FGF13: variants seen among roughly 807,000 people sequenced by gnomAD.
The protein encoded by FGF13 is fibroblast growth factor homologous factor 2.
FGF13 carries 2 observed loss-of-function variants against 19.5 expected under a neutral mutation model. The ratio of observed to expected loss-of-function variants is 0.10; its 90% CI spans 0.04 to 0.32. The LOEUF (loss-of-function observed/expected upper bound fraction) is 0.32. Among genes scored for constraint, FGF13 ranks in the 10% least tolerant of loss-of-function variants. FGF13 has a pLI of 1.00. For missense variants in FGF13, 113 were observed against 192.7 expected, an observed-to-expected ratio of 0.59 and a Z score of 2.45; for synonymous variants, 72 against 76.9, an observed-to-expected ratio of 0.94 and a Z score of 0.33.
At chrX:138,814,245 AAAATTAAC>A (rs753719492) in intron 3 of FGF13, among the ~76,000 whole-genome samples, 1 of 110,302 alleles carries the variant, frequency 9.1e-6, no homozygotes, top group Non-Finnish European at 1.9e-5. Context: ...CTCACATGGA[AAAATTAAC>A]AATAGCCAGT....
intron 3 of FGF13, among the ~76,000 whole-genome samples, chrX:138,802,528 G>C (rs755727799): frequency 9.8e-5 from 11 of 111,774 alleles, no homozygotes; most frequent in African/African-American, 3.6e-4. Flanking sequence ...GACTGGAGCT[G>C]TTCCTATTTG....
chrX:138,852,445 G>A (rs1256957874), intron 3 of FGF13, among the ~76,000 whole-genome samples: 1 of 111,871 alleles, frequency 8.9e-6, no homozygotes, highest in Non-Finnish European at 1.9e-5. Context: ...ACAAAAACAA[G>A]GAGTTGGGAA....
intron 1 of FGF13, among the ~76,000 whole-genome samples, chrX:138,898,871 C>A (rs1427821602): frequency 9.0e-6 from 1 of 111,307 alleles, no homozygotes; most frequent in Non-Finnish European, 1.9e-5. Flanking sequence ...TTGTTGCCTC[C>A]CTTCTCTTCT....
chrX:138,752,192 G>A (rs772647122), intron 3 of FGF13, among the ~76,000 whole-genome samples: 2 of 111,470 alleles, frequency 1.8e-5, no homozygotes, highest in Non-Finnish European at 3.8e-5. Flanking sequence ...TTTGGGAGGC[G>A]GAGGCGGGCA....
Position 138,776,935 on chromosome X carries a change from G to A in FGF13, c.218-68007C>T, listed in dbSNP as rs2090592528. On this transcript the variant is annotated intron_variant, in intron 3 of 6. Coordinates refer to the FGF13 transcript ENST00000436198. ...TACAAATATGAACCCTGGGAATAAT[G>A]CAAGCAACAACTAGAGGAAAACTCT... Among the ~76,000 whole-genome samples the A allele has an allele frequency of 2.7e-5, 3 of 111,788 alleles. No individual in the cohort carries two copies. The Admixed American group carries it at 2.9e-4, about 11-fold the overall frequency.
At chrX:138,745,614 C>T (rs1434375866) in intron 3 of FGF13, among the ~76,000 whole-genome samples, 2 of 112,351 alleles carry the variant, frequency 1.8e-5, no homozygotes, top group Non-Finnish European at 3.8e-5. Context: ...AATCAAATTA[C>T]AATCCTTATT....
exon 3 of FGF13, chrX:138,857,571 T>A (rs1219074125): frequency 8.3e-7 from 1 of 1,208,161 alleles, no homozygotes; most frequent in Admixed American, 2.2e-5. Flanking sequence ...GAAGATTTCG[T>A]GACACTTAGC....
chrX:139,113,863 T>C (rs770627487), intron 1 of FGF13, among the ~76,000 whole-genome samples: 9 of 112,121 alleles, frequency 8.0e-5, no homozygotes, highest in Middle Eastern at 4.6e-3. Context: ...GAAACAAGGA[T>C]GACTAAGCGC....
At chrX:138,839,966 T>A (rs1026477691) in intron 3 of FGF13, among the ~76,000 whole-genome samples, 16 of 111,997 alleles carry the variant, frequency 1.4e-4, no homozygotes, top group Non-Finnish European at 3.0e-4. Context: ...AGCATTTCTA[T>A]CGAGATTATA....
intron 1 of FGF13, among the ~76,000 whole-genome samples, chrX:139,085,110 C>T (rs1327493580): frequency 8.9e-6 from 1 of 111,962 alleles, no homozygotes; most frequent in Non-Finnish European, 1.9e-5. Context: ...GGGGCACAGT[C>T]TACGAACACC....
intron 1 of FGF13, among the ~76,000 whole-genome samples, chrX:139,154,725 C>T (rs751465809): frequency 3.6e-5 from 4 of 111,603 alleles, no homozygotes; most frequent in African/African-American, 9.8e-5. Flanking sequence ...CCTGGCTCTG[C>T]GCTCATTTAA....
intron 1 of FGF13, among the ~76,000 whole-genome samples, chrX:139,118,317 A>G (rs1008634649): frequency 8.9e-5 from 10 of 112,144 alleles, no homozygotes; most frequent in Non-Finnish European, 1.3e-4. Flanking sequence ...TCAACTTACT[A>G]TGGGTTTATG....
At chrX:138,996,869 C>T (rs963602720) in intron 1 of FGF13, among the ~76,000 whole-genome samples, 13 of 112,134 alleles carry the variant, frequency 1.2e-4, no homozygotes, top group Non-Finnish European at 2.1e-4. Flanking sequence ...CCCTGACCCA[C>T]ATGTAGCCTG....
chrX:139,203,888 T>C (rs762876663), upstream of FGF13, among the ~76,000 whole-genome samples: 3 of 111,130 alleles, frequency 2.7e-5, no homozygotes, highest in South Asian at 1.2e-3. Flanking sequence ...GGTGCAAACC[T>C]AGATCCACCC....
At chrX:139,166,719 G>A (rs1194884678) in intron 1 of FGF13, among the ~76,000 whole-genome samples, 1 of 111,143 alleles carries the variant, frequency 9.0e-6, no homozygotes, top group Non-Finnish European at 1.9e-5. Context: ...CATGCCACTG[G>A]ACTTCCTAGC....
At chrX:138,967,727 G>A (rs1017688497) in intron 1 of FGF13, among the ~76,000 whole-genome samples, 3 of 111,472 alleles carry the variant, frequency 2.7e-5, no homozygotes, top group Non-Finnish European at 5.6e-5. Flanking sequence ...CCTTGGTAAA[G>A]GTCAAGACAA....
At chrX:138,660,053 A>G (rs759903454) in intron 3 of FGF13, among the ~76,000 whole-genome samples, 1 of 111,756 alleles carries the variant, frequency 8.9e-6, no homozygotes, top group East Asian at 2.8e-4. Flanking sequence ...CTGCACATGT[A>G]TCCCAGAACT....
intron 1 of FGF13, among the ~76,000 whole-genome samples, chrX:138,950,773 C>T (rs923271083): frequency 4.5e-5 from 5 of 111,173 alleles, no homozygotes; most frequent in Non-Finnish European, 9.4e-5. Flanking sequence ...AATAAAGATG[C>T]GATTTTAGAC....
chrX:138,856,449 C>G (rs1324621127), downstream of FGF13, among the ~76,000 whole-genome samples: 1 of 111,744 alleles, frequency 8.9e-6, no homozygotes, highest in African/African-American at 3.3e-5. Context: ...ACATGCCAGT[C>G]TCTCCCATAT....
Sources: gnomAD v4.1 joint callset for allele counts (sites outside exome capture counted in the v4.1 genomes callset) on GRCh38, gnomAD v4.1.1 for gene constraint, MANE v1.5 for transcripts, NCBI Gene and HGNC (gene_info 2026-07-23, HGNC 2026-07-21) for gene names.